COA1: variants seen among roughly 807,000 people sequenced by gnomAD.
The protein encoded by COA1 is cytochrome c oxidase assembly factor 1 homolog.
COA1 carries 13 observed loss-of-function variants against 16.0 expected under a neutral mutation model. The observed-to-expected ratio is 0.81, with a 90% CI of 0.53 to 1.29. The LOEUF (loss-of-function observed/expected upper bound fraction) is 1.29. Among genes scored for constraint, COA1 ranks in the 50% most tolerant of loss-of-function variants. COA1 has a pLI of 0.00. For synonymous variants in COA1, 65 were observed against 65.7 expected, an observed-to-expected ratio of 0.99 and a Z score of 0.05; for missense variants, 179 against 177.0, an observed-to-expected ratio of 1.01 and a Z score of -0.06.
At chr7:43,618,323 T>C (rs2083535995) in intron 6 of COA1, among the ~76,000 whole-genome samples, 1 of 152,106 alleles carries the variant, frequency 6.6e-6, no homozygotes, top group Non-Finnish European at 1.5e-5. Flanking sequence ...AATAAATCTG[T>C]CAGGCAGAAA....
chr7:43,641,057 C>G (rs1376941552), intron 4 of COA1: 2 of 154,064 alleles, frequency 1.3e-5, no homozygotes, highest in South Asian at 4.1e-4. Context: ...ACAGGCTAAA[C>G]TGTCCTGGAA....
Position 43,706,616 on chromosome 7 carries a change from C to A in COA1, c.-39+22813G>T, listed in dbSNP as rs189895877. On this transcript the variant is annotated intron_variant, in intron 1 of 5. Transcript: ENST00000223336. Reference sequence around the variant, plus strand: ...AGGTGCAGTGGCTCACACCTATAATCCCAGAACTTTAGGAGGGCAAGGTCA... The same window carrying A: ...AGGTGCAGTGGCTCACACCTATAATACCAGAACTTTAGGAGGGCAAGGTCA... Among the ~76,000 whole-genome samples the A allele has an allele frequency of 9.2e-5, 14 of 152,018 alleles. No individual in the cohort carries two copies. The East Asian group carries it at 2.5e-3, about 27-fold the overall frequency.
At chr7:43,712,101 C>T (rs1266474151) in intron 1 of COA1, among the ~76,000 whole-genome samples, 1 of 151,962 alleles carries the variant, frequency 6.6e-6, no homozygotes, top group Non-Finnish European at 1.5e-5. Context: ...TTTCTTCTAT[C>T]CCTCCAGGGA....
chr7:43,639,785 A>G, intron 5 of COA1, 104 bp from the exon 6 acceptor site: 1 of 775,998 alleles, frequency 1.3e-6, no homozygotes, highest in Middle Eastern at 2.4e-4. Flanking sequence ...ATAATGCCTT[A>G]AATTTTTTTA....
intron 6 of COA1, among the ~76,000 whole-genome samples, chr7:43,619,085 G>A (rs1305524019): frequency 6.6e-6 from 1 of 152,204 alleles, no homozygotes; most frequent in Non-Finnish European, 1.5e-5. Context: ...GCTTGACAGT[G>A]CCCAGTGCTA....
intron 1 of COA1, among the ~76,000 whole-genome samples, chr7:43,683,202 T>C (rs542589511): frequency 2.0e-5 from 3 of 152,288 alleles, no homozygotes; most frequent in Admixed American, 1.3e-4. Flanking sequence ...CGTTAACTCC[T>C]CAAATGTGGA....
rs2086810956 is a variant in COA1 at position 43,640,631 on chromosome 7, CA to C, written c.282del (p.Gly95AspfsTer28). 9 of 1,605,692 alleles carry C rather than the reference CA, an allele frequency of 5.6e-6. No homozygotes were observed. The highest frequency in any genetic ancestry group is 7.6e-6 in the Non-Finnish European group (9 of 1,176,674). On this transcript the variant is annotated frameshift_variant, in exon 5 of 6. Coordinates refer to ENST00000223336, the MANE Select transcript of COA1 (RefSeq NM_018224.4). LOFTEE classifies it high-confidence loss of function. ...TAGAGAAGGCCCTCTGATTTGGATCCAGAGACAGGAATCTTCAACTGTGGGT... is the reference window on the plus strand; with the variant it reads ...TAGAGAAGGCCCTCTGATTTGGATCCGAGACAGGAATCTTCAACTGTGGGT... ...IVDAKLKIPVSGSKSEGLLYV... is the reference protein window; with the variant it reads ...IVDAKLKIPVXGSKSEGLLYV...
At chr7:43,724,746 A>G (rs2095579450) in intron 1 of COA1, among the ~76,000 whole-genome samples, 1 of 152,270 alleles carries the variant, frequency 6.6e-6, no homozygotes, top group African/African-American at 2.4e-5. Context: ...ATTCCAACAC[A>G]TGCCACAACA....
chr7:43,618,325 A>G (rs2083536311), intron 6 of COA1, among the ~76,000 whole-genome samples: 1 of 152,206 alleles, frequency 6.6e-6, no homozygotes, highest in Non-Finnish European at 1.5e-5. Flanking sequence ...TAAATCTGTC[A>G]GGCAGAAAAG....
At chr7:43,610,249 A>G (rs1440634180) in intron 6 of COA1, among the ~76,000 whole-genome samples, 1 of 145,036 alleles carries the variant, frequency 6.9e-6, no homozygotes, top group Non-Finnish European at 1.5e-5. Flanking sequence ...TGGGAGGCTG[A>G]GGCAGGAGAA....
At chr7:43,714,692 C>T (rs952122648) in intron 1 of COA1, among the ~76,000 whole-genome samples, 1 of 150,314 alleles carries the variant, frequency 6.7e-6, no homozygotes, top group Non-Finnish European at 1.5e-5. Context: ...GACACAGACA[C>T]GGGATACTAG....
chr7:43,692,218 T>A (rs1451249887), intron 1 of COA1, among the ~76,000 whole-genome samples: 1 of 152,126 alleles, frequency 6.6e-6, no homozygotes, highest in Non-Finnish European at 1.5e-5. Flanking sequence ...AAGTTCCTTT[T>A]AAAAATCAAA....
intron 6 of COA1, among the ~76,000 whole-genome samples, chr7:43,634,224 C>T (rs928431532): frequency 6.6e-6 from 1 of 152,132 alleles, no homozygotes; most frequent in African/African-American, 2.4e-5. Context: ...TTCAGGTTGA[C>T]ATTTGCCTGG....
At chr7:43,615,785 T>C (rs1409603968) in intron 6 of COA1, among the ~76,000 whole-genome samples, 1 of 152,058 alleles carries the variant, frequency 6.6e-6, no homozygotes, top group African/African-American at 2.4e-5. Flanking sequence ...CCTCTATACT[T>C]CTCTTCCCTC....
chr7:43,615,133 A>AT (rs2083226112), intron 6 of COA1, among the ~76,000 whole-genome samples: 2 of 152,178 alleles, frequency 1.3e-5, no homozygotes, highest in Non-Finnish European at 2.9e-5. Context: ...ATTTGCCTGA[A>AT]TAATAAGACA....
At chr7:43,643,045 G>A (rs1370590783) in intron 4 of COA1, among the ~76,000 whole-genome samples, 2 of 152,216 alleles carry the variant, frequency 1.3e-5, no homozygotes, top group African/African-American at 2.4e-5. Flanking sequence ...CTGAACTCCT[G>A]TCACTGCAGA....
At chr7:43,707,057 C>T (rs954601559) in intron 1 of COA1, among the ~76,000 whole-genome samples, 19 of 151,966 alleles carry the variant, frequency 1.3e-4, no homozygotes, top group African/African-American at 4.6e-4. Context: ...GTAATCCCAG[C>T]TAGCTACTCA....
chr7:43,708,459 T>TAAAA (rs34433297), intron 1 of COA1, among the ~76,000 whole-genome samples: 68 of 142,872 alleles, frequency 4.8e-4, no homozygotes, highest in Middle Eastern at 7.1e-3. Context: ...AGACCTTTTC[T>TAAAA]AAAAAAAAAA....
At chr7:43,647,205 G>A (rs1252391838) in intron 3 of COA1, 1 of 376,884 alleles carries the variant, frequency 2.7e-6, no homozygotes. Context: ...TGAACCATCT[G>A]GTATTCCCCT....
Sources: allele counts gnomAD v4.1 joint callset (sites outside exome capture counted in the v4.1 genomes callset), GRCh38; gene constraint gnomAD v4.1.1; transcripts MANE v1.5; gene names NCBI Gene and HGNC (gene_info 2026-07-23, HGNC 2026-07-21).